UPF3A: variants seen among roughly 807,000 people sequenced by gnomAD.
The protein encoded by UPF3A is regulator of nonsense transcripts 3A.
Under a neutral mutation model 53.5 loss-of-function variants are expected in UPF3A, and 42 were observed. That is an observed-to-expected ratio of 0.78 (90% CI 0.61 to 1.01). The LOEUF (loss-of-function observed/expected upper bound fraction) is 1.01. Among genes scored for constraint, UPF3A ranks in the 50% least tolerant of loss-of-function variants. UPF3A has a pLI of 0.00. For missense variants in UPF3A, 575 were observed against 598.0 expected, an observed-to-expected ratio of 0.96 and a Z score of 0.40; for synonymous variants, 237 against 225.3, an observed-to-expected ratio of 1.05 and a Z score of -0.47.
In UPF3A at chr13:114,284,034, A is replaced by T. The variant is rs148921297; in HGVS notation, c.421+1091A>T. On this transcript the variant is annotated intron_variant, in intron 3 of 9. Coordinates refer to ENST00000375299, the MANE Select transcript of UPF3A (RefSeq NM_023011.4). ...TGACCTTTGTGTTCATTGCTCATTTATTCAGTAACTTACTGAGTTTCCCTT... is the reference window on the plus strand; with the variant it reads ...TGACCTTTGTGTTCATTGCTCATTTTTTCAGTAACTTACTGAGTTTCCCTT... The T allele has an allele frequency of 2.3e-4, 227 of 985,464 alleles. No homozygotes were observed. In the African/African-American group the frequency reaches 3.6e-3, roughly 16 times the overall value. 61.0% of individuals were successfully genotyped at this position (985,464 alleles called of 1,614,324 possible). A position where few individuals can be genotyped will look rare whatever the true frequency, so the allele number is the denominator to read the frequency against.
intron 9 of UPF3A, among the ~76,000 whole-genome samples, chr13:114,303,762 G>C (rs2139380966): frequency 6.6e-6 from 1 of 152,324 alleles, no homozygotes; most frequent in African/African-American, 2.4e-5. Flanking sequence ...CTCCAGCCTA[G>C]GCAACAAGAG....
chr13:114,282,256 T>C (rs1170924767), intron 2 of UPF3A, 129 bp downstream of exon 2: 14 of 858,038 alleles, frequency 1.6e-5, no homozygotes, highest in Non-Finnish European at 2.4e-5. Context: ...TTTGAATAAA[T>C]ACATTTCAGT....
chr13:114,301,190 G>A lies in UPF3A; in HGVS notation c.1008-541G>A, dbSNP rs191591165. 3.6e-3 allele frequency among the ~76,000 whole-genome samples: 554 copies of A among 152,088 alleles called. 1 individual carries two copies. Among genetic ancestry groups the A allele is most frequent in the African/African-American group, 0.013 (523 of 41,500 alleles). ...AAAGTACCTTAGCATGGCCAGGCAC[G>A]GTGGCTCACACCTGTAATCCCAGCA... is the stretch of plus-strand genomic sequence containing the variant. On this transcript the variant is annotated intron_variant, in intron 8 of 9. Transcript: ENST00000375299.
At chr13:114,299,103 G>GAAC in intron 8 of UPF3A, 103 bp downstream of exon 8, 1 of 1,248,008 alleles carries the variant, frequency 8.0e-7, no homozygotes, top group Non-Finnish European at 1.1e-6. Context: ...TGGAATCCAA[G>GAAC]ACTTTCCAGG....
intron 7 of UPF3A, among the ~76,000 whole-genome samples, chr13:114,292,593 C>T (rs1270998942): frequency 6.6e-6 from 1 of 151,016 alleles, no homozygotes; most frequent in Non-Finnish European, 1.5e-5. Context: ...AGGTGTGTTA[C>T]GTGTTCATTT....
rs778559753 is a variant in UPF3A, at chr13:114,286,321, G to T, written c.441G>T (p.Val147=). 1 of 1,614,060 alleles carries T rather than the reference G, an allele frequency of 6.2e-7. No homozygotes were observed. The highest frequency in any genetic ancestry group is 1.7e-5 in the Admixed American group (1 of 60,016). ...LDSKGLEYPA[V]VEFAPFQKIA... is the part of the protein sequence containing the mutation. The stretch of plus-strand genomic sequence containing the variant: ...TAAAAGGCCTAGAATATCCTGCAGT[G>T]GTAGAGTTTGCTCCATTCCAGAAGA... Residue 147 remains valine, a synonymous_variant, in exon 4 of 10, where the codon GTG becomes GTT. Coordinates refer to ENST00000375299, the MANE Select transcript of UPF3A (RefSeq NM_023011.4).
rs1385650136 is a variant in UPF3A at position 114,282,131 on chromosome 13, A to T, written c.314+4A>T. On this transcript the variant is annotated splice_donor_region_variant and intron_variant, in intron 2 of 9. Transcript: ENST00000375299. ...AGTTCTTCGCCGCCGACCTGAGGTG[A>T]GGCCCGCCCCGAGGGGAGGAAGAGA... 6.5e-7 allele frequency: 1 copy of T among 1,548,936 alleles called. No individual in the cohort carries two copies. Among genetic ancestry groups the T allele is most frequent in the Non-Finnish European group, 8.7e-7 (1 of 1,146,898 alleles).
At chr13:114,282,992 A>G in intron 3 of UPF3A, 49 bp downstream of exon 3, 1 of 1,281,286 alleles carries the variant, frequency 7.8e-7, no homozygotes, top group Non-Finnish European at 1.1e-6. Flanking sequence ...AGGTATACTA[A>G]TGAAGTATTG....
intron 7 of UPF3A, among the ~76,000 whole-genome samples, chr13:114,298,489 G>A (rs756384049): frequency 4.6e-5 from 7 of 152,144 alleles, no homozygotes; most frequent in South Asian, 2.1e-4. Flanking sequence ...GCAGTGAGCC[G>A]GGAGTGCGCC....
At chr13:114,295,441 G>GCTCCCCAGCTC (rs1333128245) in intron 7 of UPF3A, among the ~76,000 whole-genome samples, 1 of 47,346 alleles carries the variant, frequency 2.1e-5, no homozygotes, top group African/African-American at 9.1e-5. Flanking sequence ...CTGGCCTGCT[G>GCTCCCCAGCTC]GTTTCTCATG....
chr13:114,293,329 AG>A (rs199692517), intron 7 of UPF3A, among the ~76,000 whole-genome samples: 1,720 of 151,892 alleles, frequency 0.011, 93 homozygotes, highest in Admixed American at 0.08. Context: ...GGTTGCAGCG[AG>A]CCGGGATCGC....
In UPF3A at chr13:114,281,837, C is replaced by G. The variant is rs1018433362; in HGVS notation, c.198C>G (p.Ala66=). ...AGKPREEKRT[A]LSKVVIRRLP... is the part of the protein sequence containing the mutation. ...AACCTCGCGAGGAGAAGAGGACGGC[C>G]CTGAGCAAGGTGGGGACGGGGGCGG... Residue 66 remains alanine, a synonymous_variant, in exon 1 of 10, where the codon GCC becomes GCG. Coordinates refer to ENST00000375299, the MANE Select transcript of UPF3A (RefSeq NM_023011.4). 3.9e-6 allele frequency: 6 copies of G among 1,531,700 alleles called. No homozygotes were observed. In the Admixed American group the frequency reaches 9.9e-5, roughly 25 times the overall value. The allele number at this position is 1,531,700 out of a possible 1,614,324, so 94.9% of individuals were successfully genotyped here.
chr13:114,304,128 G>A (rs572225964), intron 9 of UPF3A, among the ~76,000 whole-genome samples: 2 of 152,342 alleles, frequency 1.3e-5, no homozygotes, highest in South Asian at 2.1e-4. Flanking sequence ...GGAGGCTCAC[G>A]GAAGCTGGAA....
chr13:114,298,741 T>G, intron 7 of UPF3A, 99 bp from the exon 8 acceptor site: 1 of 1,198,600 alleles, frequency 8.3e-7, no homozygotes, highest in Non-Finnish European at 1.1e-6. Context: ...GTGCAAACAT[T>G]TGGCTTCAAT....
chr13:114,290,869 G>A (rs1423195195), intron 5 of UPF3A, among the ~76,000 whole-genome samples: 1 of 151,904 alleles, frequency 6.6e-6, no homozygotes, highest in Non-Finnish European at 1.5e-5. Flanking sequence ...GAGTAGCTGG[G>A]ATTATAGGCG....
chr13:114,301,710 A>G, intron 8 of UPF3A, 21 bp from the exon 9 acceptor site: 2 of 1,595,666 alleles, frequency 1.3e-6, no homozygotes, highest in Non-Finnish European at 1.7e-6. Flanking sequence ...GCAGTTGCTG[A>G]TCATTTGTGT....
At chr13:114,292,536 G>C (rs138859669) in intron 7 of UPF3A, among the ~76,000 whole-genome samples, 1 of 148,244 alleles carries the variant, frequency 6.7e-6, no homozygotes, top group Admixed American at 6.7e-5. Context: ...AGGCGTACAC[G>C]TGCAGGTGTG....
chr13:114,291,312 C>A (rs1042366940), intron 5 of UPF3A, among the ~76,000 whole-genome samples, 177 bp from the exon 6 acceptor site: 1 of 152,162 alleles, frequency 6.6e-6, no homozygotes, highest in African/African-American at 2.4e-5. Flanking sequence ...ATTGTTGATA[C>A]TTTCAAATTA....
intron 8 of UPF3A, 45 bp from the exon 9 acceptor site, chr13:114,301,686 A>C: frequency 6.4e-7 from 1 of 1,572,788 alleles, no homozygotes; most frequent in Non-Finnish European, 8.6e-7. Context: ...TGGGCAGCCA[A>C]CCGGCGGTTT....
Sources: gnomAD v4.1 joint callset for allele counts (sites outside exome capture counted in the v4.1 genomes callset) on GRCh38, gnomAD v4.1.1 for gene constraint, MANE v1.5 for transcripts, NCBI Gene and HGNC (gene_info 2026-07-23, HGNC 2026-07-21) for gene names.